GPC5: variants seen among roughly 807,000 people sequenced by gnomAD.
The protein encoded by GPC5 is glypican 5, also known as glypican-5.
A neutral mutation model predicts 53.9 loss-of-function variants in GPC5; 47 were observed. The observed-to-expected ratio is 0.87, with a 90% CI of 0.69 to 1.11. The LOEUF is 1.11. GPC5 is among the 50% of genes most tolerant of loss of function. GPC5 has a pLI of 0.00. For missense variants in GPC5, 748 were observed against 713.1 expected (o/e 1.05, Z -0.56); for synonymous variants, 286 against 263.3 (o/e 1.09, Z -0.84).
intron 7 of GPC5, among the ~76,000 whole-genome samples, chr13:92,730,629 A>G (rs1287011552): frequency 1.3e-5 from 2 of 151,206 alleles, no homozygotes; most frequent in Admixed American, 1.3e-4. Flanking sequence ...CGGATGTCCA[A>G]TTGTTCCAGT....
At chr13:92,270,283 A>G (rs946444709) in intron 7 of GPC5, among the ~76,000 whole-genome samples, 1 of 152,098 alleles carries the variant, frequency 6.6e-6, no homozygotes, top group Non-Finnish European at 1.5e-5. Flanking sequence ...TGTAATCCCC[A>G]CTGTTGGAGG....
intron 7 of GPC5, among the ~76,000 whole-genome samples, chr13:92,601,641 A>C (rs1884064104): frequency 6.6e-6 from 1 of 151,940 alleles, no homozygotes; most frequent in Non-Finnish European, 1.5e-5. Context: ...TTAAAACATA[A>C]GATTTCAGTG....
At chr13:91,611,889 G>A (rs946568175) in intron 2 of GPC5, among the ~76,000 whole-genome samples, 9 of 152,126 alleles carry the variant, frequency 5.9e-5, no homozygotes, top group Admixed American at 5.9e-4. Flanking sequence ...GGGCCTCTGT[G>A]TTGTTGACAG....
intron 7 of GPC5, among the ~76,000 whole-genome samples, chr13:92,771,428 C>A (rs531339432): frequency 6.6e-6 from 1 of 152,196 alleles, no homozygotes; most frequent in South Asian, 2.1e-4. Context: ...CTGCAACCTC[C>A]GCCCCTCCAG....
At chr13:92,126,199 C>A (rs181058436) in intron 6 of GPC5, among the ~76,000 whole-genome samples, 1 of 151,866 alleles carries the variant, frequency 6.6e-6, no homozygotes. Context: ...GCGATCCACC[C>A]GCCTTGGACT....
chr13:92,002,100 C>T (rs1338173394), intron 6 of GPC5, among the ~76,000 whole-genome samples: 1 of 151,866 alleles, frequency 6.6e-6, no homozygotes, highest in African/African-American at 2.4e-5. Context: ...GTTTACCCCT[C>T]TCTCTGTATG....
At chr13:92,834,843 G>T (rs560990440) in intron 7 of GPC5, among the ~76,000 whole-genome samples, 28 of 152,154 alleles carry the variant, frequency 1.8e-4, no homozygotes, top group African/African-American at 6.5e-4. Flanking sequence ...TGGTTTAAAG[G>T]GTAAAAGTTG....
At chr13:92,262,236 T>C (rs2042772596) in intron 7 of GPC5, among the ~76,000 whole-genome samples, 1 of 152,160 alleles carries the variant, frequency 6.6e-6, no homozygotes, top group Admixed American at 6.5e-5. Context: ...AAGTGCATTA[T>C]AACTAGAAGC....
At chr13:92,219,798 G>A (rs1487937168) in intron 7 of GPC5, among the ~76,000 whole-genome samples, 2 of 152,078 alleles carry the variant, frequency 1.3e-5, no homozygotes. Context: ...GACTGATTGT[G>A]GACCACTACT....
intron 6 of GPC5, among the ~76,000 whole-genome samples, chr13:91,949,609 T>C (rs1377075314): frequency 1.3e-5 from 2 of 152,166 alleles, no homozygotes; most frequent in Non-Finnish European, 2.9e-5. Context: ...CATTATTTGA[T>C]GGTCTATAGC....
At chr13:91,991,176 T>C (rs1024275940) in intron 6 of GPC5, among the ~76,000 whole-genome samples, 5 of 152,198 alleles carry the variant, frequency 3.3e-5, no homozygotes, top group African/African-American at 2.4e-5. Flanking sequence ...ATTTACCTCA[T>C]AGAATCATTG....
intron 7 of GPC5, among the ~76,000 whole-genome samples, chr13:92,273,392 T>C (rs1005002013): frequency 9.2e-5 from 14 of 152,136 alleles, no homozygotes; most frequent in African/African-American, 3.1e-4. Flanking sequence ...TGACCTCTTA[T>C]GCATCAGTTT....
chr13:92,731,639 A>C (rs1218319381), intron 7 of GPC5, among the ~76,000 whole-genome samples: 2 of 151,438 alleles, frequency 1.3e-5, no homozygotes, highest in Non-Finnish European at 3.0e-5. Context: ...AAAATTACTT[A>C]AATTGAGAGT....
At chr13:92,775,307 T>TA (rs1019376167) in intron 7 of GPC5, among the ~76,000 whole-genome samples, 22 of 152,292 alleles carry the variant, frequency 1.4e-4, no homozygotes, top group Non-Finnish European at 2.5e-4. Flanking sequence ...TAAATGGATT[T>TA]AAAAAAAGCA....
chr13:92,391,271 G>A (rs559275544), intron 7 of GPC5, among the ~76,000 whole-genome samples: 1 of 151,804 alleles, frequency 6.6e-6, no homozygotes, highest in African/African-American at 2.4e-5. Flanking sequence ...AATTTCTCAG[G>A]TACAAAGGAT....
At chr13:91,484,613 G>C (rs117166126) in intron 2 of GPC5, among the ~76,000 whole-genome samples, 4,405 of 152,080 alleles carry the variant, frequency 0.029, 107 homozygotes, top group Middle Eastern at 0.085. Flanking sequence ...TTATATTTTG[G>C]ATAATTCTGT....
intron 7 of GPC5, among the ~76,000 whole-genome samples, chr13:92,660,487 A>T (rs1886300051): frequency 6.6e-6 from 1 of 152,194 alleles, no homozygotes; most frequent in South Asian, 2.1e-4. Flanking sequence ...ACATACATGT[A>T]TATATACATA....
At chr13:92,413,052 A>G (rs1006081449) in intron 7 of GPC5, among the ~76,000 whole-genome samples, 2 of 152,220 alleles carry the variant, frequency 1.3e-5, no homozygotes, top group African/African-American at 4.8e-5. Context: ...TGGCTACACT[A>G]AGTTCTCAAA....
At chr13:92,767,472 A>G (rs1875450695) in intron 7 of GPC5, among the ~76,000 whole-genome samples, 2 of 152,180 alleles carry the variant, frequency 1.3e-5, no homozygotes, top group Admixed American at 6.5e-5. Context: ...CTGTCCAAAA[A>G]AAAGAAAAAA....
Sources: allele counts gnomAD v4.1 joint callset (sites outside exome capture counted in the v4.1 genomes callset), GRCh38; gene constraint gnomAD v4.1.1; transcripts MANE v1.5; gene names NCBI Gene and HGNC (gene_info 2026-07-23, HGNC 2026-07-21).